The following VSIG1 variants were observed in gnomAD, a reference collection of about 807,000 sequenced individuals.
The protein encoded by VSIG1 is V-set and immunoglobulin domain containing 1, also known as V-set and immunoglobulin domain-containing protein 1.
In VSIG1, 11 loss-of-function variants were observed where a neutral mutation model predicts 20.1. That is an observed-to-expected ratio of 0.55 (90% CI 0.34 to 0.91). The LOEUF (loss-of-function observed/expected upper bound fraction) is 0.91. VSIG1 is among the 40% of genes least tolerant of loss of function. The probability of loss-of-function intolerance (pLI) is 0.02; values close to 1 mark genes in which losing one functional copy is unlikely to be tolerated. For synonymous variants in VSIG1, 126 were observed against 116.7 expected (o/e 1.08, Z -0.52); for missense variants, 283 against 298.8 (o/e 0.95, Z 0.39).
chrX:108,048,658 A>G (rs1417381360), intron 1 of VSIG1, among the ~76,000 whole-genome samples: 1 of 112,445 alleles, frequency 8.9e-6, no homozygotes, highest in East Asian at 2.8e-4. Flanking sequence ...AAGGAAGGGA[A>G]CTTTTTTCCC....
intron 2 of VSIG1, among the ~76,000 whole-genome samples, chrX:108,061,887 C>G (rs2031035220): frequency 9.0e-6 from 1 of 110,665 alleles, no homozygotes; most frequent in South Asian, 4.1e-4. Flanking sequence ...CTCTTACTGA[C>G]TATCCCCTTT....
the VSIG1 span, among the ~76,000 whole-genome samples, chrX:108,024,633 T>G: frequency 9.1e-6 from 1 of 110,096 alleles, no homozygotes; most frequent in Non-Finnish European, 1.9e-5. Context: ...CCCACAAGTT[T>G]CGGTTGTTAT....
At chrX:108,067,337 T>C (rs1219579494) in intron 3 of VSIG1, among the ~76,000 whole-genome samples, 1 of 111,180 alleles carries the variant, frequency 9.0e-6, no homozygotes, top group Non-Finnish European at 1.9e-5. Flanking sequence ...TGCAGAACAA[T>C]TGTGCAAACG....
intron 2 of VSIG1, among the ~76,000 whole-genome samples, chrX:108,059,193 G>T (rs1285523751): frequency 9.0e-6 from 1 of 111,360 alleles, no homozygotes; most frequent in Non-Finnish European, 1.9e-5. Flanking sequence ...TTAGTAGAAA[G>T]ATAGAGGGAG....
chrX:108,058,718 T>C (rs1453035182), intron 2 of VSIG1, among the ~76,000 whole-genome samples: 1 of 111,247 alleles, frequency 9.0e-6, no homozygotes, highest in African/African-American at 3.3e-5. Flanking sequence ...CCCTGCGTAG[T>C]TCATCAAGAA....
the VSIG1 span, among the ~76,000 whole-genome samples, chrX:108,033,457 C>T: frequency 4.3e-4 from 48 of 112,151 alleles, no homozygotes; most frequent in African/African-American, 1.5e-3. Flanking sequence ...GGTGTAAGCA[C>T]AGCTGGGCTG....
intron 2 of VSIG1, among the ~76,000 whole-genome samples, chrX:108,066,563 G>C (rs776010583): frequency 5.4e-5 from 6 of 111,387 alleles, no homozygotes; most frequent in Admixed American, 1.9e-4. Flanking sequence ...TGATGGTTTT[G>C]GTTTCCCATC....
intron 1 of VSIG1, among the ~76,000 whole-genome samples, chrX:108,054,717 T>C (rs762854905): frequency 1.8e-5 from 2 of 110,510 alleles, no homozygotes; most frequent in East Asian, 5.7e-4. Flanking sequence ...AATCCGTGGA[T>C]CAAAGAGGAA....
chrX:108,074,979 C>G (rs1404078873), intron 5 of VSIG1, among the ~76,000 whole-genome samples: 1 of 111,609 alleles, frequency 9.0e-6, no homozygotes, highest in Non-Finnish European at 1.9e-5. Context: ...TTATTAATCC[C>G]CAAATGAAGC....
chrX:108,046,356 T>G lies in VSIG1; in HGVS notation c.49+1177T>G, dbSNP rs187638559. ...TGGAAACACATGTTCCTATTTTCCC[T>G]TCTCCCCAGGCATATTCATTTAAAT... is the stretch of plus-strand genomic sequence containing the variant. On this transcript the variant is annotated intron_variant, in intron 1 of 6. Coordinates refer to ENST00000217957, the MANE Select transcript of VSIG1 (RefSeq NM_182607.5). 4.5e-5 allele frequency among the ~76,000 whole-genome samples: 5 copies of G among 111,717 alleles called. No homozygotes were observed. In the Admixed American group the frequency reaches 4.7e-4, roughly 11 times the overall value.
chrX:108,045,695 TGTGA>T (rs2030558046), intron 1 of VSIG1, among the ~76,000 whole-genome samples: 1 of 112,194 alleles, frequency 8.9e-6, no homozygotes, highest in Non-Finnish European at 1.9e-5. Context: ...TTGCAAAATA[TGTGA>T]GTGATTTATG....
At chrX:108,043,175 T>C (rs760576372), upstream of VSIG1, among the ~76,000 whole-genome samples, 7 of 111,512 alleles carry the variant, frequency 6.3e-5, no homozygotes, top group Admixed American at 9.5e-5. Context: ...TCTTGGGAAA[T>C]GAAAGGAACG....
intron 3 of VSIG1, among the ~76,000 whole-genome samples, chrX:108,071,259 G>A (rs922608060): frequency 9.0e-6 from 1 of 110,926 alleles, no homozygotes; most frequent in African/African-American, 3.3e-5. Flanking sequence ...AGCTTTAAAG[G>A]GTTCTAGAGC....
chrX:108,070,342 T>C (rs1047343001), intron 3 of VSIG1, among the ~76,000 whole-genome samples: 3 of 112,440 alleles, frequency 2.7e-5, no homozygotes, highest in African/African-American at 9.7e-5. Context: ...CTGGGGACTT[T>C]AACTGGATGA....
At chrX:108,061,351 T>C (rs2031017178) in intron 2 of VSIG1, 15 of 760,189 alleles carry the variant, frequency 2.0e-5, no homozygotes, top group Non-Finnish European at 2.9e-5. Context: ...AGAGATTCAG[T>C]TCAACTCCTG....
At chrX:108,041,844 G>A (rs1337308508), upstream of VSIG1, among the ~76,000 whole-genome samples, 1 of 107,134 alleles carries the variant, frequency 9.3e-6, no homozygotes, top group East Asian at 2.9e-4. Context: ...TAGCATATTT[G>A]TTACATTACA....
At chrX:108,047,959 C>CATATATATATATAT (rs1288556783) in intron 1 of VSIG1, among the ~76,000 whole-genome samples, 1 of 14,806 alleles carries the variant, frequency 6.8e-5, no homozygotes, top group Non-Finnish European at 1.2e-4. Context: ...TATATACACA[C>CATATATATATATAT]ACATATATAT....
At chrX:108,048,401 G>T (rs569132305) in intron 1 of VSIG1, among the ~76,000 whole-genome samples, 1 of 111,860 alleles carries the variant, frequency 8.9e-6, no homozygotes, top group African/African-American at 3.3e-5. Flanking sequence ...TAAGTTTTAG[G>T]ATACATGTGC....
intron 3 of VSIG1, 43 bp from the exon 4 acceptor site, chrX:108,072,634 C>T: frequency 8.8e-7 from 1 of 1,138,990 alleles, no homozygotes; most frequent in Non-Finnish European, 1.2e-6. Flanking sequence ...CACAGAATGC[C>T]ATTCATCCTA....
Sources: allele counts gnomAD v4.1 joint callset (sites outside exome capture counted in the v4.1 genomes callset), GRCh38; gene constraint gnomAD v4.1.1; transcripts MANE v1.5; gene names NCBI Gene and HGNC (gene_info 2026-07-23, HGNC 2026-07-21).